The following MAP3K20 variants were observed in gnomAD, a reference collection of about 807,000 sequenced individuals.
The protein encoded by MAP3K20 is HCCS-4.
A neutral mutation model predicts 85.7 loss-of-function variants in MAP3K20; 40 were observed. That is an observed-to-expected ratio of 0.47 (90% confidence interval 0.36 to 0.61). The LOEUF (loss-of-function observed/expected upper bound fraction) is 0.61. MAP3K20 is among the 20% of genes least tolerant of loss of function. MAP3K20 has a pLI of 0.00. For missense variants in MAP3K20, 817 were observed against 961.7 expected (o/e 0.85, Z 1.99); for synonymous variants, 325 against 327.7 (o/e 0.99, Z 0.09).
chr2:173,229,976 T>A (rs1379804051), intron 12 of MAP3K20, among the ~76,000 whole-genome samples: 1 of 152,022 alleles, frequency 6.6e-6, no homozygotes, highest in Non-Finnish European at 1.5e-5. Context: ...AGACTATAGG[T>A]TCCCACCAGC....
intron 16 of MAP3K20, among the ~76,000 whole-genome samples, chr2:173,251,376 AT>A (rs1685038479): frequency 6.6e-6 from 1 of 152,070 alleles, no homozygotes; most frequent in African/African-American, 2.4e-5. Flanking sequence ...CTCAGCTTAG[AT>A]TTGGCATGCG....
intron 2 of MAP3K20, among the ~76,000 whole-genome samples, chr2:173,093,246 A>G (rs1273228848): frequency 6.6e-6 from 1 of 152,216 alleles, no homozygotes; most frequent in African/African-American, 2.4e-5. Context: ...GATAAAGGTA[A>G]TAAGCCCTGG....
rs574880130 is a variant in MAP3K20, at chr2:173,133,917, G to C, written c.160-35888G>C. Among the ~76,000 whole-genome samples, 116 of 148,734 alleles carry C rather than the reference G, an allele frequency of 7.8e-4. 1 individual carries two copies. Among genetic ancestry groups the C allele is most frequent in the African/African-American group, 2.8e-3 (114 of 40,410 alleles). On this transcript the variant is annotated intron_variant, in intron 2 of 19. Coordinates refer to ENST00000375213, the MANE Select transcript of MAP3K20 (RefSeq NM_016653.3). The stretch of plus-strand genomic sequence containing the variant: ...GAGGCAGAAGAATGGCGGGAACCCG[G>C]GAGGCGGAGCTTGCAGTGAGCCGAG...
intron 2 of MAP3K20, among the ~76,000 whole-genome samples, chr2:173,154,759 G>GTTTCC (rs1215043393): frequency 6.6e-6 from 1 of 152,144 alleles, no homozygotes; most frequent in East Asian, 1.9e-4. Flanking sequence ...ATATCAGAAT[G>GTTTCC]TTAAGGAGAG....
At chr2:173,230,256 A>G (rs930888876) in intron 12 of MAP3K20, among the ~76,000 whole-genome samples, 4 of 152,232 alleles carry the variant, frequency 2.6e-5, no homozygotes, top group Non-Finnish European at 5.9e-5. Context: ...CCAGAATACA[A>G]TAACAAATAC....
upstream of MAP3K20, chr2:173,075,633 G>C (rs528998325): frequency 1.1e-3 from 678 of 609,694 alleles, 1 homozygote; most frequent in Non-Finnish European, 1.2e-3. Flanking sequence ...GGGGGCGAGG[G>C]GGAACACCCC....
At chr2:173,087,488 GA>G (rs1687175167) in intron 1 of MAP3K20, among the ~76,000 whole-genome samples, 1 of 152,182 alleles carries the variant, frequency 6.6e-6, no homozygotes, top group Non-Finnish European at 1.5e-5. Flanking sequence ...AACTTTCTTG[GA>G]ATTAGAATAC....
intron 2 of MAP3K20, among the ~76,000 whole-genome samples, chr2:173,140,243 C>T (rs1688930478): frequency 6.6e-6 from 1 of 152,162 alleles, no homozygotes; most frequent in African/African-American, 2.4e-5. Flanking sequence ...AACTCATGAC[C>T]TCGTGATCCA....
At chr2:173,135,886 A>G (rs1331487443) in intron 2 of MAP3K20, among the ~76,000 whole-genome samples, 4 of 152,244 alleles carry the variant, frequency 2.6e-5, no homozygotes, top group African/African-American at 9.6e-5. Context: ...ATTTTAATTA[A>G]CTGAATTTAA....
At chr2:173,254,433 CAA>C (rs755879153) in intron 16 of MAP3K20, among the ~76,000 whole-genome samples, 4,532 of 65,746 alleles carry the variant, frequency 0.069, 70 homozygotes, top group Admixed American at 0.14. Context: ...GACTTCGTCT[CAA>C]AAAAAAAAAA....
intron 1 of MAP3K20, among the ~76,000 whole-genome samples, chr2:173,079,545 T>C (rs919798534): frequency 2.6e-5 from 4 of 152,238 alleles, no homozygotes; most frequent in Non-Finnish European, 5.9e-5. Flanking sequence ...TTTTAACTTT[T>C]TGAGTCTTTT....
chr2:173,119,122 A>C (rs1688205267), intron 2 of MAP3K20, among the ~76,000 whole-genome samples: 1 of 152,256 alleles, frequency 6.6e-6, no homozygotes, highest in Non-Finnish European at 1.5e-5. Context: ...TACCTCTAGC[A>C]CTGAGGGAGA....
intron 11 of MAP3K20, among the ~76,000 whole-genome samples, chr2:173,219,864 C>T (rs1461698308): frequency 1.3e-5 from 2 of 151,982 alleles, no homozygotes; most frequent in Non-Finnish European, 2.9e-5. Context: ...GTCAGGCGTT[C>T]AAGACCAGCC....
intron 10 of MAP3K20, chr2:173,211,545 T>C (rs4972536): frequency 0.56 from 85,166 of 152,048 alleles, 25,433 homozygotes; most frequent in Non-Finnish European, 0.68. Flanking sequence ...AAACACTTCC[T>C]GACCCCAGGC....
intron 1 of MAP3K20, among the ~76,000 whole-genome samples, chr2:173,080,348 G>A (rs1686979934): frequency 1.3e-5 from 2 of 152,314 alleles, no homozygotes; most frequent in Middle Eastern, 3.4e-3. Flanking sequence ...CACTGTCCTA[G>A]TCTGTTTTCT....
At chr2:173,107,320 G>A (rs1687810407) in intron 2 of MAP3K20, among the ~76,000 whole-genome samples, 1 of 152,174 alleles carries the variant, frequency 6.6e-6, no homozygotes, top group Non-Finnish European at 1.5e-5. Flanking sequence ...AGGAGGCAAG[G>A]GAAGGTTTAG....
intron 2 of MAP3K20, among the ~76,000 whole-genome samples, chr2:173,111,836 A>G (rs1398645631): frequency 1.3e-5 from 2 of 152,068 alleles, no homozygotes; most frequent in Non-Finnish European, 2.9e-5. Context: ...GCTTTATTGT[A>G]TAGTTTGAAA....
chr2:173,097,385 CAATT>C (rs555347475), intron 2 of MAP3K20, among the ~76,000 whole-genome samples: 15 of 152,094 alleles, frequency 9.9e-5, no homozygotes, highest in African/African-American at 3.4e-4. Context: ...AAACAAAACA[CAATT>C]AATCACAGCA....
chr2:173,194,553 C>T (rs13034748), intron 7 of MAP3K20, among the ~76,000 whole-genome samples: 34,527 of 151,938 alleles, frequency 0.23, 4,093 homozygotes, highest in African/African-American at 0.26. Context: ...GGTCCATAAA[C>T]TTGGAAAATG....
Sources: allele counts gnomAD v4.1 joint callset (sites outside exome capture counted in the v4.1 genomes callset), GRCh38; gene constraint gnomAD v4.1.1; transcripts MANE v1.5; gene names NCBI Gene and HGNC (gene_info 2026-07-23, HGNC 2026-07-21).